SHC4: variants seen among roughly 807,000 people sequenced by gnomAD.
The protein encoded by SHC4 is SHC-transforming protein 4.
In SHC4, 41 loss-of-function variants were observed where a neutral mutation model predicts 69.4. The observed-to-expected ratio is 0.59, with a 90% confidence interval of 0.46 to 0.77. The LOEUF is 0.77. SHC4 is among the 30% of genes least tolerant of loss of function. The pLI is 0.00. For missense variants in SHC4, 777 were observed against 783.8 expected (o/e 0.99, Z 0.10); for synonymous variants, 318 against 299.3 (o/e 1.06, Z -0.64).
intron 1 of SHC4, among the ~76,000 whole-genome samples, chr15:48,927,941 A>T (rs1317650115): frequency 6.6e-6 from 1 of 152,184 alleles, no homozygotes; most frequent in Non-Finnish European, 1.5e-5. Flanking sequence ...AAGATTAAAG[A>T]TCACAATCAC....
chr15:48,957,466 C>T (rs1310562010), intron 1 of SHC4, among the ~76,000 whole-genome samples: 1 of 152,102 alleles, frequency 6.6e-6, no homozygotes, highest in African/African-American at 2.4e-5. Context: ...CTAGTCTAGA[C>T]AACAGATGAT....
chr15:48,877,339 TGTA>T (rs1567059171), intron 4 of SHC4: 1 of 700,084 alleles, frequency 1.4e-6, no homozygotes, highest in East Asian at 1.3e-4. Context: ...ATAACTATAA[TGTA>T]ATAATAATAG....
intron 2 of SHC4, among the ~76,000 whole-genome samples, chr15:48,904,312 C>T (rs1368697850): frequency 1.3e-5 from 2 of 152,088 alleles, no homozygotes; most frequent in Non-Finnish European, 2.9e-5. Flanking sequence ...TTCTTATGGA[C>T]AAAACAGGGT....
chr15:48,936,776 T>C (rs1376310657), intron 1 of SHC4, among the ~76,000 whole-genome samples: 1 of 152,192 alleles, frequency 6.6e-6, no homozygotes, highest in Admixed American at 6.5e-5. Context: ...TCAATTTCTC[T>C]GAAAAAAGTA....
At chr15:48,929,526 T>G (rs2141027226) in intron 1 of SHC4, among the ~76,000 whole-genome samples, 1 of 152,320 alleles carries the variant, frequency 6.6e-6, no homozygotes, top group Non-Finnish European at 1.5e-5. Flanking sequence ...GAATCAGGGT[T>G]TATTCTAGAG....
intron 10 of SHC4, among the ~76,000 whole-genome samples, chr15:48,837,715 T>C (rs752117252): frequency 6.6e-6 from 1 of 152,156 alleles, no homozygotes; most frequent in Non-Finnish European, 1.5e-5. Flanking sequence ...AGTAATCATA[T>C]CATCTTGGAG....
chr15:48,906,919 C>T (rs1032142527), intron 2 of SHC4, among the ~76,000 whole-genome samples: 9 of 152,176 alleles, frequency 5.9e-5, no homozygotes, highest in Non-Finnish European at 1.3e-4. Context: ...GACTCAATGA[C>T]CTACAAAATG....
intron 6 of SHC4, among the ~76,000 whole-genome samples, chr15:48,858,621 T>C (rs1321863765): frequency 6.6e-6 from 1 of 152,232 alleles, no homozygotes; most frequent in Non-Finnish European, 1.5e-5. Flanking sequence ...GGTTAGGGAC[T>C]GTAAATTAAT....
At chr15:48,828,921 T>A (rs1184428948) in intron 11 of SHC4, among the ~76,000 whole-genome samples, 1 of 152,234 alleles carries the variant, frequency 6.6e-6, no homozygotes, top group East Asian at 1.9e-4. Context: ...TATTAACTCC[T>A]TATCAGATAC....
At chr15:48,869,775 AG>A (rs1163801275) in intron 5 of SHC4, among the ~76,000 whole-genome samples, 2 of 152,184 alleles carry the variant, frequency 1.3e-5, no homozygotes, top group Non-Finnish European at 2.9e-5. Flanking sequence ...TTTACTAGAC[AG>A]GTGCTTTAAC....
chr15:48,933,903 C>T (rs1054597910), intron 1 of SHC4, among the ~76,000 whole-genome samples: 5 of 152,024 alleles, frequency 3.3e-5, no homozygotes, highest in Non-Finnish European at 5.9e-5. Flanking sequence ...AAAAGTTGGA[C>T]CTCTATCTCA....
intron 1 of SHC4, among the ~76,000 whole-genome samples, chr15:48,941,303 AT>A (rs1174858868): frequency 6.6e-6 from 1 of 152,220 alleles, no homozygotes; most frequent in South Asian, 2.1e-4. Context: ...GAAAATGTTC[AT>A]AGGAGTTTGG....
At chr15:48,847,339 A>G (rs1333171136) in intron 9 of SHC4, among the ~76,000 whole-genome samples, 1 of 152,222 alleles carries the variant, frequency 6.6e-6, no homozygotes, top group Non-Finnish European at 1.5e-5. Context: ...TTGATTAAAA[A>G]TATCAACATT....
intron 2 of SHC4, among the ~76,000 whole-genome samples, chr15:48,918,322 C>T (rs1318837676): frequency 6.6e-6 from 1 of 152,160 alleles, no homozygotes; most frequent in Admixed American, 6.5e-5. Context: ...GACATTCTCT[C>T]ACCTTGACTT....
At chr15:48,911,388 G>T (rs1175679120) in intron 2 of SHC4, among the ~76,000 whole-genome samples, 1 of 152,070 alleles carries the variant, frequency 6.6e-6, no homozygotes, top group Non-Finnish European at 1.5e-5. Flanking sequence ...AGCTACCCCT[G>T]CTCGCTTTTG....
chr15:48,917,822 G>T (rs535807129), intron 2 of SHC4, among the ~76,000 whole-genome samples: 17 of 152,170 alleles, frequency 1.1e-4, no homozygotes, highest in Non-Finnish European at 2.4e-4. Context: ...TAAGTCTGTG[G>T]ATTCAGCCCT....
intron 6 of SHC4, among the ~76,000 whole-genome samples, chr15:48,859,067 T>C (rs1899386029): frequency 6.6e-6 from 1 of 152,248 alleles, no homozygotes. Context: ...CTATGCTAAC[T>C]TGGAAGCATG....
At chr15:48,843,702 A>T in intron 9 of SHC4, 114 bp from the exon 10 acceptor site, 1 of 928,028 alleles carries the variant, frequency 1.1e-6, no homozygotes, top group Non-Finnish European at 1.5e-6. Context: ...CACCCTATAC[A>T]ATGATTGAAC....
intron 1 of SHC4, among the ~76,000 whole-genome samples, chr15:48,950,783 T>C (rs1901353192): frequency 6.6e-6 from 1 of 152,052 alleles, no homozygotes; most frequent in African/African-American, 2.4e-5. Context: ...GAGGTGACAG[T>C]GGAGGTGTGG....
Sources: gnomAD v4.1 joint callset for allele counts (sites outside exome capture counted in the v4.1 genomes callset) on GRCh38, gnomAD v4.1.1 for gene constraint, MANE v1.5 for transcripts, NCBI Gene and HGNC (gene_info 2026-07-23, HGNC 2026-07-21) for gene names.